The following SESN3 variants were observed in gnomAD, a reference collection of about 807,000 sequenced individuals.
SESN3 encodes the protein sestrin 3, also known as sestrin-3.
Under a neutral mutation model 55.3 loss-of-function variants are expected in SESN3, and 21 were observed. That is an observed-to-expected ratio of 0.38 (90% CI 0.27 to 0.55). The LOEUF (loss-of-function observed/expected upper bound fraction) is 0.55, where lower values mean the gene tolerates loss of function less well. Ranked by LOEUF, SESN3 falls within the 20% of genes least tolerant of loss-of-function variation. The probability of loss-of-function intolerance (pLI) is 0.76; values close to 1 mark genes in which losing one functional copy is unlikely to be tolerated. For synonymous variants in SESN3, 181 were observed against 203.1 expected, an observed-to-expected ratio of 0.89 and a Z score of 0.93; for missense variants, 408 against 604.3, an observed-to-expected ratio of 0.68 and a Z score of 3.41.
intron 1 of SESN3, among the ~76,000 whole-genome samples, chr11:95,197,888 C>G (rs1464816537): frequency 1.3e-5 from 2 of 152,178 alleles, no homozygotes. Context: ...TCTCCGCCCT[C>G]CAGTCTGGCT....
intron 1 of SESN3, among the ~76,000 whole-genome samples, chr11:95,224,982 C>T (rs1416182430): frequency 1.3e-5 from 2 of 152,158 alleles, no homozygotes; most frequent in Non-Finnish European, 2.9e-5. Context: ...ATACGCATTC[C>T]ATTTTGTCAT....
rs569971717 is a variant in SESN3 at position 95,227,952 on chromosome 11, T to C, written c.78+2831A>G. ...CTTTACTGAACTACCTCATTGACAATAGAGCAAGTTAGACTTAAGAGTTAG... is the reference window on the plus strand; with the variant it reads ...CTTTACTGAACTACCTCATTGACAACAGAGCAAGTTAGACTTAAGAGTTAG... On this transcript the variant is annotated intron_variant, in intron 1 of 9. Transcript: ENST00000536441. Among the ~76,000 whole-genome samples, 4 of 152,320 alleles carry C rather than the reference T, an allele frequency of 2.6e-5. No homozygotes were observed. In the East Asian group the frequency reaches 7.7e-4, roughly 29 times the overall value.
In SESN3 at chr11:95,184,592, A is replaced by G; in HGVS notation, c.765T>C (p.Ile255=). 1.2e-6 allele frequency: 2 copies of G among 1,611,502 alleles called. No homozygotes were observed. The highest frequency in any genetic ancestry group is 8.5e-7 in the Non-Finnish European group (1 of 1,179,070). The stretch of plus-strand genomic sequence containing the variant: ...CCTCTAGCTCACTTAGAGAATCCAC[A>G]ATCTGGAAACAGATAAGATAATGTT... ...NASLSGSNFG[I]VDSLSELEAL... is the part of the protein sequence containing the mutation. Residue 255 remains isoleucine (I), a splice_region_variant and synonymous_variant, in exon 6 of 10, where the codon ATT becomes ATC. Coordinates refer to ENST00000536441, the MANE Select transcript of SESN3 (RefSeq NM_144665.4).
chr11:95,198,838 T>G (rs1440627719), intron 1 of SESN3, among the ~76,000 whole-genome samples: 1 of 152,196 alleles, frequency 6.6e-6, no homozygotes, highest in Admixed American at 6.5e-5. Flanking sequence ...TGGTATAGTG[T>G]TGCTTTGTAA....
intron 1 of SESN3, among the ~76,000 whole-genome samples, chr11:95,212,725 G>A (rs745531209): frequency 1.3e-5 from 2 of 152,090 alleles, no homozygotes; most frequent in African/African-American, 2.4e-5. Context: ...GCTATAGATA[G>A]GCACAGTACC....
At chr11:95,222,012 A>G (rs988440695) in intron 1 of SESN3, among the ~76,000 whole-genome samples, 1 of 152,222 alleles carries the variant, frequency 6.6e-6, no homozygotes, top group Non-Finnish European at 1.5e-5. Flanking sequence ...AGGAAGTGGA[A>G]GACTGAAAGG....
intron 1 of SESN3, among the ~76,000 whole-genome samples, chr11:95,208,407 A>G (rs547692994): frequency 6.6e-6 from 1 of 151,614 alleles, no homozygotes; most frequent in South Asian, 2.1e-4. Context: ...CTTCCCAAGA[A>G]TGTAATCTCC....
intron 1 of SESN3, among the ~76,000 whole-genome samples, chr11:95,209,502 G>A (rs1275344426): frequency 1.3e-5 from 2 of 151,308 alleles, no homozygotes; most frequent in Admixed American, 6.6e-5. Context: ...GATTCCTCAA[G>A]GATCTAGAAC....
chr11:95,207,826 T>TTTTTG (rs200933619), intron 1 of SESN3, among the ~76,000 whole-genome samples: 2,172 of 151,092 alleles, frequency 0.014, 78 homozygotes, highest in African/African-American at 0.05. Flanking sequence ...CTATATGTTT[T>TTTTTG]TTTTGTTTTG....
chr11:95,176,935 G>A (rs1424479682), intron 8 of SESN3, among the ~76,000 whole-genome samples: 1 of 152,034 alleles, frequency 6.6e-6, no homozygotes, highest in African/African-American at 2.4e-5. Context: ...GTGTTATTAG[G>A]CGATTTATCA....
At chr11:95,229,221 A>C (rs143113391) in intron 1 of SESN3, among the ~76,000 whole-genome samples, 1 of 152,214 alleles carries the variant, frequency 6.6e-6, no homozygotes, top group Non-Finnish European at 1.5e-5. Flanking sequence ...TTTGAAAGCT[A>C]AGTTCAGATG....
intron 1 of SESN3, among the ~76,000 whole-genome samples, chr11:95,198,584 T>C (rs1860405913): frequency 6.6e-6 from 1 of 152,202 alleles, no homozygotes; most frequent in African/African-American, 2.4e-5. Context: ...TCTTATACAA[T>C]GGCTTTTAAA....
intron 3 of SESN3, 68 bp downstream of exon 3, chr11:95,191,336 C>T (rs1418431915): frequency 5.0e-6 from 6 of 1,188,368 alleles, no homozygotes; most frequent in South Asian, 1.2e-5. Flanking sequence ...AGGACACATG[C>T]CTATTTTGGA....
chr11:95,209,210 A>G (rs916905021), intron 1 of SESN3, among the ~76,000 whole-genome samples: 3 of 151,634 alleles, frequency 2.0e-5, no homozygotes, highest in Non-Finnish European at 2.9e-5. Flanking sequence ...CAAGGAACTT[A>G]AACAAATGTA....
chr11:95,231,285 C>G (rs12290270), upstream of SESN3: 155 of 392,530 alleles, frequency 3.9e-4, 1 homozygote, highest in African/African-American at 2.9e-3. Context: ...GCTCCGGCTA[C>G]GCCCCCAGGG....
intron 2 of SESN3, 56 bp from the exon 3 acceptor site, chr11:95,191,657 G>T: frequency 7.3e-7 from 1 of 1,367,848 alleles, no homozygotes; most frequent in Non-Finnish European, 1.0e-6. Flanking sequence ...CACACCCTTG[G>T]TTTAAATAAA....
In SESN3 at chr11:95,184,528, C is replaced by T; in HGVS notation, c.829G>A (p.Glu277Lys). 1 of 1,613,458 alleles carries T rather than the reference C, an allele frequency of 6.2e-7. No homozygotes were observed. Among genetic ancestry groups the T allele is most frequent in the African/African-American group, 1.3e-5 (1 of 74,984 alleles). Reference protein sequence around the residue: ...ERMKRLQEEREDEEASQEEMS... With the variant: ...ERMKRLQEERKDEEASQEEMS... Reference sequence around the variant, plus strand: ...TCTTCTTGAGACGCCTCTTCATCTTCCCTTTCTTCTTGAAGTCTTTTCATC... The same window carrying T: ...TCTTCTTGAGACGCCTCTTCATCTTTCCTTTCTTCTTGAAGTCTTTTCATC... The change falls in exon 6 of 10, where the codon GAA (glutamate) becomes AAA (lysine). Residue 277 changes from glutamate to lysine, a missense_variant. Physicochemically the swap from Glu to Lys is moderately conservative, Grantham distance 56. Around this residue, in one of 4 missense-constraint regions of SESN3, gnomAD observed 119 missense variants for 139.9 expected, o/e 0.85. Coordinates refer to ENST00000536441, the MANE Select transcript of SESN3 (RefSeq NM_144665.4).
intron 4 of SESN3, among the ~76,000 whole-genome samples, chr11:95,189,389 G>A (rs1361426332): frequency 2.6e-5 from 4 of 151,876 alleles, no homozygotes; most frequent in Admixed American, 2.6e-4. Flanking sequence ...CTATAAAAAA[G>A]TTTAAAACTC....
intron 1 of SESN3, among the ~76,000 whole-genome samples, chr11:95,211,101 T>G (rs10831317): frequency 0.28 from 43,066 of 152,128 alleles, 6,994 homozygotes; most frequent in Non-Finnish European, 0.36. Context: ...TACTTCCTGG[T>G]GCATAGAAAA....
Sources: allele counts gnomAD v4.1 joint callset (sites outside exome capture counted in the v4.1 genomes callset), GRCh38; gene constraint gnomAD v4.1.1; regional missense constraint gnomAD v4.1.1; transcripts MANE v1.5; gene names NCBI Gene and HGNC (gene_info 2026-07-23, HGNC 2026-07-21).